PRORP: variants seen among roughly 807,000 people sequenced by gnomAD.
The protein encoded by PRORP is mitochondrial ribonuclease P catalytic subunit.
In PRORP, 51 loss-of-function variants were observed where a neutral mutation model predicts 59.4. The observed-to-expected ratio is 0.86, with a 90% CI of 0.69 to 1.08. The LOEUF (loss-of-function observed/expected upper bound fraction) is 1.08. Among genes scored for constraint, PRORP ranks in the 50% least tolerant of loss-of-function variants. PRORP has a pLI of 0.00. For missense variants in PRORP, 646 were observed against 690.3 expected (o/e 0.94, Z 0.72); for synonymous variants, 231 against 245.6 (o/e 0.94, Z 0.55).
chr14:35,188,448 C>G (rs1039235048), intron 5 of PRORP, among the ~76,000 whole-genome samples: 1 of 151,698 alleles, frequency 6.6e-6, no homozygotes, highest in African/African-American at 2.4e-5. Context: ...CTCGGCCTCC[C>G]AAAGTGCTGG....
chr14:35,241,933 G>T (rs1040039960), intron 5 of PRORP, among the ~76,000 whole-genome samples: 1 of 151,978 alleles, frequency 6.6e-6, no homozygotes, highest in African/African-American at 2.4e-5. Context: ...TCCTACCCTG[G>T]TGATTCTACT....
intron 4 of PRORP, chr14:35,158,304 CAT>C (rs1262090355): frequency 2.7e-5 from 7 of 261,668 alleles, no homozygotes; most frequent in Non-Finnish European, 3.8e-5. Flanking sequence ...TCAAATCGTG[CAT>C]ATGTGTTATC....
intron 4 of PRORP, among the ~76,000 whole-genome samples, chr14:35,136,521 T>C (rs1202074122): frequency 6.9e-6 from 1 of 145,138 alleles, no homozygotes; most frequent in Admixed American, 7.2e-5. Context: ...ATTACAGGCA[T>C]GCACCACCAC....
intron 4 of PRORP, among the ~76,000 whole-genome samples, chr14:35,177,854 T>A (rs1250929433): frequency 6.6e-6 from 1 of 152,226 alleles, no homozygotes; most frequent in Non-Finnish European, 1.5e-5. Context: ...CGATTTTAGA[T>A]CTTTCCTGCT....
In PRORP at chr14:35,170,856, C is replaced by CT. The variant is rs575257718; in HGVS notation, c.1168-9804dup. On this transcript the variant is annotated intron_variant, in intron 4 of 7. Coordinates refer to ENST00000534898, the MANE Select transcript of PRORP (RefSeq NM_014672.4). ...TTTCTTTCTTTTCTTTTTCTTTTTTCTTTTTTTTTTGTGACGGAGTTTCAC... is the reference window on the plus strand; with the variant it reads ...TTTCTTTCTTTTCTTTTTCTTTTTTCTTTTTTTTTTTGTGACGGAGTTTCAC... Among the ~76,000 whole-genome samples the CT allele has an allele frequency of 1.8e-3, 261 of 146,508 alleles. 1 individual carries two copies. The highest frequency in any genetic ancestry group is 0.011 in the Middle Eastern group (3 of 284).
At chr14:35,138,729 G>A (rs990189068) in intron 4 of PRORP, among the ~76,000 whole-genome samples, 3 of 144,952 alleles carry the variant, frequency 2.1e-5, no homozygotes, top group African/African-American at 7.3e-5. Flanking sequence ...TTTCAACTGT[G>A]GCTGCTGGTT....
At chr14:35,226,870 G>A (rs962690162) in intron 5 of PRORP, among the ~76,000 whole-genome samples, 1 of 151,830 alleles carries the variant, frequency 6.6e-6, no homozygotes, top group Admixed American at 6.6e-5. Flanking sequence ...AAGTAACTGG[G>A]CCTAGAGACA....
At chr14:35,210,209 G>A (rs2049402943) in intron 5 of PRORP, among the ~76,000 whole-genome samples, 5 of 152,174 alleles carry the variant, frequency 3.3e-5, no homozygotes, top group Non-Finnish European at 2.9e-5. Flanking sequence ...TTGACTAGAA[G>A]AAGGACCTTT....
intron 5 of PRORP, among the ~76,000 whole-genome samples, chr14:35,230,481 G>T (rs2050049796): frequency 6.6e-6 from 1 of 152,202 alleles, no homozygotes; most frequent in Non-Finnish European, 1.5e-5. Flanking sequence ...ACTCATTCAG[G>T]AATATGAAAA....
At chr14:35,158,312 T>A (rs1243046052) in intron 4 of PRORP, 1 of 271,728 alleles carries the variant, frequency 3.7e-6, no homozygotes, top group Non-Finnish European at 7.4e-6. Context: ...TGCATATGTG[T>A]TATCAACATA....
Position 35,270,395 on chromosome 14 carries a change from G to T in PRORP, c.1425-6G>T, listed in dbSNP as rs768793101. ...TTGATTGTGTCCTTTCTTATGCCTG[G>T]TTCAGCTCGGAGGATGATCCATTCC... is the stretch of plus-strand genomic sequence containing the variant. On this transcript the variant is annotated splice_region_variant and splice_polypyrimidine_tract_variant and intron_variant, in intron 6 of 7. Coordinates refer to ENST00000534898, the MANE Select transcript of PRORP (RefSeq NM_014672.4). The T allele has an allele frequency of 1.6e-5, 26 of 1,612,000 alleles. No homozygotes were observed. The South Asian group carries it at 2.7e-4, about 17-fold the overall frequency.
Position 35,188,979 on chromosome 14 carries a change from A to G in PRORP, c.1275+8202A>G. Among the ~76,000 whole-genome samples the G allele has an allele frequency of 1.4e-5, 2 of 140,224 alleles. 1 individual carries two copies. The highest frequency in any genetic ancestry group is 3.1e-5 in the Non-Finnish European group (2 of 64,944). 92.0% of individuals were successfully genotyped at this position (140,224 alleles called of 152,430 possible). A position where few individuals can be genotyped will look rare whatever the true frequency, so the allele number is the denominator to read the frequency against. ...AAAAAAAAAAAGTATTGCCTAATCC[A>G]AGGTCATGAAGATTAATGCCTATGT... On this transcript the variant is annotated intron_variant, in intron 5 of 7. Coordinates refer to ENST00000534898, the MANE Select transcript of PRORP (RefSeq NM_014672.4).
chr14:35,194,853 A>G (rs1158942928), intron 5 of PRORP, among the ~76,000 whole-genome samples: 1 of 152,156 alleles, frequency 6.6e-6, no homozygotes, highest in East Asian at 1.9e-4. Flanking sequence ...AGTATATCCT[A>G]TTTCAAAAGA....
chr14:35,230,825 G>A (rs1260594585), intron 5 of PRORP, among the ~76,000 whole-genome samples: 2 of 152,144 alleles, frequency 1.3e-5, no homozygotes, highest in African/African-American at 2.4e-5. Context: ...TTCAATCAAA[G>A]AAGACATGCA....
chr14:35,199,130 T>G (rs2049080573), intron 5 of PRORP, among the ~76,000 whole-genome samples: 1 of 151,886 alleles, frequency 6.6e-6, no homozygotes. Flanking sequence ...ATCGTGCCAT[T>G]GCACTCCAGC....
intron 5 of PRORP, among the ~76,000 whole-genome samples, chr14:35,261,483 C>T (rs766195753): frequency 2.0e-5 from 3 of 152,150 alleles, no homozygotes; most frequent in Non-Finnish European, 4.4e-5. Flanking sequence ...GTAATCCCAG[C>T]ACTTTGGGAG....
intron 5 of PRORP, among the ~76,000 whole-genome samples, chr14:35,214,192 A>T (rs964230839): frequency 1.3e-5 from 2 of 152,218 alleles, no homozygotes. Flanking sequence ...AAGCAAGGGT[A>T]CTTCTCAGAT....
At chr14:35,196,488 C>A (rs1392538735) in intron 5 of PRORP, among the ~76,000 whole-genome samples, 1 of 152,046 alleles carries the variant, frequency 6.6e-6, no homozygotes, top group Non-Finnish European at 1.5e-5. Flanking sequence ...CAGAGTGAGA[C>A]CCTGTCTCAG....
intron 5 of PRORP, among the ~76,000 whole-genome samples, chr14:35,247,007 C>A (rs1338778649): frequency 6.6e-6 from 1 of 152,046 alleles, no homozygotes; most frequent in Non-Finnish European, 1.5e-5. Context: ...TCTAAAGTAA[C>A]CCTCATAATA....
Sources: gnomAD v4.1 joint callset for allele counts (sites outside exome capture counted in the v4.1 genomes callset) on GRCh38, gnomAD v4.1.1 for gene constraint, MANE v1.5 for transcripts, NCBI Gene and HGNC (gene_info 2026-07-23, HGNC 2026-07-21) for gene names.